Variants in GRK2 observed in about 807,000 individuals in gnomAD.
GRK2 encodes the protein adrenergic beta receptor kinase 1.
A neutral mutation model predicts 97.8 loss-of-function variants in GRK2; 23 were observed. The ratio of observed to expected loss-of-function variants is 0.24; its 90% CI spans 0.17 to 0.33. The LOEUF (loss-of-function observed/expected upper bound fraction) is 0.33. GRK2 is among the 10% of genes least tolerant of loss of function. The pLI is 1.00. For synonymous variants in GRK2, 425 were observed against 381.7 expected, an observed-to-expected ratio of 1.11 and a Z score of -1.32; for missense variants, 633 against 956.9, an observed-to-expected ratio of 0.66 and a Z score of 4.47.
rs553899197 is a variant in GRK2, at chr11:67,286,208, C to G, written c.*758C>G. 3.6e-6 allele frequency: 2 copies of G among 556,506 alleles called. No homozygotes were observed. Among genetic ancestry groups the G allele is most frequent in the Non-Finnish European group, 6.3e-6 (2 of 316,532 alleles). 34.5% of individuals were successfully genotyped at this position (556,506 alleles called of 1,614,324 possible). A position where few individuals can be genotyped will look rare whatever the true frequency, so the allele number is the denominator to read the frequency against. On this transcript the variant is annotated 3_prime_UTR_variant, in exon 21 of 21. Coordinates refer to ENST00000308595, the MANE Select transcript of GRK2 (RefSeq NM_001619.5). ...GGTCTCGCTGATGCTGGGCTGGGTG[C>G]GACCCCATCTGCCCAGGACGGGGCC...
In GRK2 at chr11:67,269,502, G is replaced by A. The variant is rs1185504894; in HGVS notation, c.113+2690G>A. 6.6e-6 allele frequency among the ~76,000 whole-genome samples: 1 copy of A among 152,180 alleles called. No individual in the cohort carries two copies. Among genetic ancestry groups the A allele is most frequent in the African/African-American group, 2.4e-5 (1 of 41,446 alleles). On this transcript the variant is annotated intron_variant, in intron 1 of 20. Coordinates refer to ENST00000308595, the MANE Select transcript of GRK2 (RefSeq NM_001619.5). This position sits in a 1 kb window ranked among gnomAD's most constrained non-coding sequence, Gnocchi z 4.1. ...GTTCTCGCCTCTGTCCACATTTTGC[G>A]GTGTGGGCTGACTGGCACCCCTTGT...
intron 18 of GRK2, 170 bp from the exon 19 acceptor site, chr11:67,284,677 T>TACCCGGGAGGCTGAGGCGGGAGG: frequency 1.1e-6 from 1 of 944,582 alleles, no homozygotes; most frequent in East Asian, 2.6e-5. Flanking sequence ...TACTCCCAGC[T>TACCCGGGAGGCTGAGGCGGGAGG]ACCCGGGAGG....
intron 1 of GRK2, 25 bp downstream of exon 1, chr11:67,266,837 C>G: frequency 8.6e-7 from 1 of 1,157,208 alleles, no homozygotes; most frequent in South Asian, 3.2e-5. Flanking sequence ...CCCGCGGCCC[C>G]GGCCCGACCC....
chr11:67,280,019 G>T, intron 6 of GRK2, 119 bp downstream of exon 6: 2 of 1,020,488 alleles, frequency 2.0e-6, no homozygotes, highest in South Asian at 2.7e-5. Context: ...CAGGTGGCTG[G>T]CCCGTCAGCG....
At chr11:67,283,459 T>C in intron 15 of GRK2, 1 of 610,158 alleles carries the variant, frequency 1.6e-6, no homozygotes. Flanking sequence ...TCACAGATGA[T>C]GATGATAGCA....
At position 67,280,963 on chromosome 11, in the gene GRK2, A is replaced by G. The variant is rs967212069; in HGVS notation, c.556-130A>G. On this transcript the variant is annotated intron_variant, in intron 7 of 20. Coordinates refer to ENST00000308595, the MANE Select transcript of GRK2 (RefSeq NM_001619.5). ...CATGGGGAGGCCGGAGCAGGTAAAT[A>G]TGTGGCAAGGATGGCCAGGACATGG... 3 of 1,102,668 alleles carry G rather than the reference A, an allele frequency of 2.7e-6. No individual in the cohort carries two copies. In the Admixed American group the frequency reaches 5.6e-5, roughly 21 times the overall value. The allele number at this position is 1,102,668 out of a possible 1,614,324, so 68.3% of individuals were successfully genotyped here.
chr11:67,270,694 C>G (rs1314177044), intron 1 of GRK2, among the ~76,000 whole-genome samples: 3 of 152,220 alleles, frequency 2.0e-5, no homozygotes, highest in Non-Finnish European at 4.4e-5. Flanking sequence ...TGCAGTCACT[C>G]CCTCTGGGCC....
Position 67,279,263 on chromosome 11 carries a change from T to G in GRK2, c.254T>G (p.Phe85Cys), listed in dbSNP as rs201237885. 1.2e-4 allele frequency: 187 copies of G among 1,613,400 alleles called. No homozygotes were observed. The highest frequency in any genetic ancestry group is 1.5e-4 in the Non-Finnish European group (176 of 1,179,970). The change falls in exon 3 of 21, where the codon TTC becomes TGC. Residue 85 changes from phenylalanine to cysteine, a missense_variant. By Grantham distance (205) the Phe-to-Cys change is radical (BLOSUM62 -2). Transcript: ENST00000308595. ...HLEEARPLVE[F>C]YEEIKKYEKL... ...GAGGAGGCCAGGCCCTTGGTGGAAT[T>G]CTATGAGGAGGTGAGACCCAGAGGC... is the stretch of plus-strand genomic sequence containing the variant.
At chr11:67,285,053 C>T (rs748773264) in intron 19 of GRK2, 22 bp from the exon 20 acceptor site, 2 of 1,612,764 alleles carry the variant, frequency 1.2e-6, no homozygotes, top group Non-Finnish European at 1.7e-6. Context: ...CTTACCTGCA[C>T]CACCCATCCC....
At chr11:67,268,047 G>A (rs947713127) in intron 1 of GRK2, among the ~76,000 whole-genome samples, 16 of 152,226 alleles carry the variant, frequency 1.1e-4, no homozygotes, top group South Asian at 2.1e-4. Context: ...GTGCCCCAGC[G>A]GGCTGGGGAT....
chr11:67,282,297 T>C lies in GRK2; in HGVS notation c.984T>C (p.His328=), dbSNP rs777941364. 7 of 1,613,522 alleles carry C rather than the reference T, an allele frequency of 4.3e-6. No individual in the cohort carries two copies. Among genetic ancestry groups the C allele is most frequent in the Admixed American group, 3.3e-5 (2 of 60,030 alleles). Reference sequence around the variant, plus strand: ...CAGCCAACATCCTTCTGGACGAGCATGGCCACGTGCGGATCTCGGACCTGG... The same window carrying C: ...CAGCCAACATCCTTCTGGACGAGCACGGCCACGTGCGGATCTCGGACCTGG... ...LKPANILLDE[H]GHVRISDLGL... is the part of the protein sequence containing the mutation. The change falls in exon 12 of 21, where the codon CAT becomes CAC. Residue 328 remains histidine (H), a synonymous_variant. Coordinates refer to ENST00000308595, the MANE Select transcript of GRK2 (RefSeq NM_001619.5). This position sits in a 1 kb window ranked among gnomAD's most constrained non-coding sequence, Gnocchi z 6.9.
chr11:67,284,671 C>G, intron 18 of GRK2, 176 bp from the exon 19 acceptor site: 1 of 910,542 alleles, frequency 1.1e-6, no homozygotes, highest in South Asian at 1.8e-5. Context: ...CGCCTGTACT[C>G]CCAGCTACCC....
At chr11:67,280,685 C>T (rs374534298) in intron 6 of GRK2, 47 bp from the exon 7 acceptor site, 18 of 1,611,592 alleles carry the variant, frequency 1.1e-5, no homozygotes, top group Non-Finnish European at 1.4e-5. Flanking sequence ...CAGCATCATC[C>T]TTCCCACATT....
Position 67,281,262 on chromosome 11 carries a change from C to G in GRK2, c.647+78C>G, listed in dbSNP as rs1860144122. On this transcript the variant is annotated intron_variant, in intron 8 of 20. Coordinates refer to ENST00000308595, the MANE Select transcript of GRK2 (RefSeq NM_001619.5). This position sits in a 1 kb window ranked among gnomAD's most constrained non-coding sequence, Gnocchi z 5.7. ...GGACCCTGACAGGCCGGGTTCCACA[C>G]AGGGCCACCTGCTGCTCCATGCACT... The G allele has an allele frequency of 1.5e-6, 2 of 1,324,568 alleles. No individual in the cohort carries two copies. The highest frequency in any genetic ancestry group is 2.1e-6 in the Non-Finnish European group (2 of 934,850). 82.1% of individuals were successfully genotyped at this position (1,324,568 alleles called of 1,614,324 possible).
In GRK2 at chr11:67,282,318, C is replaced by A; in HGVS notation, c.1005C>A (p.Asp335Glu). The A allele has an allele frequency of 6.2e-7, 1 of 1,613,258 alleles. No individual in the cohort carries two copies. Among genetic ancestry groups the A allele is most frequent in the Non-Finnish European group, 8.5e-7 (1 of 1,179,886 alleles). ...AGCATGGCCACGTGCGGATCTCGGA[C>A]CTGGGCCTGGCCTGTGACTTCTCCA... ...LDEHGHVRIS[D>E]LGLACDFSKK... The change falls in exon 12 of 21, where the codon GAC becomes GAA. Residue 335 changes from aspartate (D) to glutamate (E), a missense_variant. Physicochemically the swap from Asp to Glu is conservative, Grantham distance 45. This residue lies in a region of GRK2 where 192 missense variants were observed against 362.3 expected (regional missense o/e 0.53). Coordinates refer to ENST00000308595, the MANE Select transcript of GRK2 (RefSeq NM_001619.5). The surrounding 1 kb of genome is among the most constrained non-coding windows in gnomAD (Gnocchi z 6.9).
Position 67,283,840 on chromosome 11 carries a change from C to T in GRK2, c.1396-14C>T. On this transcript the variant is annotated splice_polypyrimidine_tract_variant and intron_variant, in intron 16 of 20. Transcript: ENST00000308595. ...ACCCCCGAGCTAATGCCCATGACCC[C>T]TGTTCTGCTGCAGTACCCTCCCCCG... 2 of 1,612,848 alleles carry T rather than the reference C, an allele frequency of 1.2e-6. No homozygotes were observed. The highest frequency in any genetic ancestry group is 1.7e-6 in the Non-Finnish European group (2 of 1,179,588).
Position 67,285,322 on chromosome 11 carries a change from C to T in GRK2, c.1942C>T (p.Arg648Cys), listed in dbSNP as rs1198059585. 2 of 1,609,670 alleles carry T rather than the reference C, an allele frequency of 1.2e-6. No individual in the cohort carries two copies. Among genetic ancestry groups the T allele is most frequent in the Admixed American group, 1.7e-5 (1 of 59,800 alleles). The change falls in exon 21 of 21, where the codon CGC becomes TGC. Residue 648 changes from arginine (R) to cysteine (C), a missense_variant. By Grantham distance (180) the Arg-to-Cys change is radical. Coordinates refer to ENST00000308595, the MANE Select transcript of GRK2 (RefSeq NM_001619.5). ...GCTGGTGCAGTGGAAGAAGGAGCTG[C>T]GCGACGCCTACCGCGAGGCCCAGCA... is the stretch of plus-strand genomic sequence containing the variant. ...PELVQWKKEL[R>C]DAYREAQQLV...
intron 1 of GRK2, among the ~76,000 whole-genome samples, chr11:67,272,245 C>T (rs1859927025): frequency 6.6e-6 from 1 of 152,208 alleles, no homozygotes; most frequent in Non-Finnish European, 1.5e-5. Flanking sequence ...CTGAGCCCTG[C>T]ACCCAGCTCT....
intron 2 of GRK2, among the ~76,000 whole-genome samples, chr11:67,278,810 C>T (rs185590999): frequency 1.2e-3 from 175 of 152,016 alleles, no homozygotes; most frequent in African/African-American, 4.0e-3. Context: ...CTGCACAGCC[C>T]GCCCCGGTGG....
Sources: allele counts gnomAD v4.1 joint callset (sites outside exome capture counted in the v4.1 genomes callset), GRCh38; gene constraint gnomAD v4.1.1; regional missense constraint gnomAD v4.1.1; non-coding constraint Gnocchi (gnomAD v3.1); transcripts MANE v1.5; gene names NCBI Gene and HGNC (gene_info 2026-07-23, HGNC 2026-07-21).